THOC6: variants seen among roughly 807,000 people sequenced by gnomAD.
The protein encoded by THOC6 is THO complex subunit 6.
Under a neutral mutation model 55.8 loss-of-function variants are expected in THOC6, and 39 were observed. The observed-to-expected ratio is 0.70, with a 90% CI of 0.54 to 0.91. THOC6 has a LOEUF of 0.91. Ranked by LOEUF, THOC6 falls within the 40% of genes least tolerant of loss-of-function variation. THOC6 has a pLI of 0.00. For synonymous variants in THOC6, 192 were observed against 175.6 expected (o/e 1.09, Z -0.74); for missense variants, 482 against 442.0 (o/e 1.09, Z -0.81).
At position 3,024,039 on chromosome 16, in the gene THOC6, C is replaced by A. The variant is rs938203519; in HGVS notation, c.-288C>A. The A allele has an allele frequency of 1.3e-5, 13 of 1,005,898 alleles. No individual in the cohort carries two copies. Among genetic ancestry groups the A allele is most frequent in the African/African-American group, 6.5e-5 (4 of 61,252 alleles). The allele number at this position is 1,005,898 out of a possible 1,614,324, so 62.3% of individuals were successfully genotyped here. A position where few individuals can be genotyped will look rare whatever the true frequency, so the allele number is the denominator to read the frequency against. On this transcript the variant is annotated 5_prime_UTR_variant, in exon 1 of 13. Transcript: ENST00000326266. ...TGGGCGTGGCTTTAGGCGGGCACAGCCGCGAGGTTCTGCGCGGGCGCGGAA... is the reference window on the plus strand; with the variant it reads ...TGGGCGTGGCTTTAGGCGGGCACAGACGCGAGGTTCTGCGCGGGCGCGGAA...
In THOC6 at chr16:3,026,942, C is replaced by G. The variant is rs745643131; in HGVS notation, c.636+26C>G. 28 of 1,614,028 alleles carry G rather than the reference C, an allele frequency of 1.7e-5. No homozygotes were observed. In the South Asian group the frequency reaches 3.0e-4, roughly 17 times the overall value. On this transcript the variant is annotated intron_variant, in intron 9 of 12. Transcript: ENST00000326266. The stretch of plus-strand genomic sequence containing the variant: ...GTGAGGGTGTGACCGTGGCCATTGT[C>G]CTCTTCTCCCCCAACTCCTTGAATT...
rs141862266 is a variant in THOC6 at position 3,026,484 on chromosome 16, T to C, written c.412-32T>C. ...ACCCTCTGCCTATCCTGATTTGACA[T>C]TGACTTTCTGCCTCATCCTGCTCCT... On this transcript the variant is annotated intron_variant, in intron 6 of 12. Coordinates refer to ENST00000326266, the MANE Select transcript of THOC6 (RefSeq NM_024339.5). 138 of 1,614,120 alleles carry C rather than the reference T, an allele frequency of 8.5e-5. 1 individual carries two copies. The East Asian group carries it at 2.8e-3, about 33-fold the overall frequency.
rs1461712261 is a variant in THOC6 at position 3,025,980 on chromosome 16, C to A, written c.212C>A (p.Thr71Asn). The part of the protein sequence containing the change: ...AKEESKKPVV[T>N]FQAHDGPVYS... ...GAGGAAAGTAAGAAGCCGGTGGTGACTTTCCAAGGTGGGTATACCTGTGGA... is the reference window on the plus strand; with the variant it reads ...GAGGAAAGTAAGAAGCCGGTGGTGAATTTCCAAGGTGGGTATACCTGTGGA... The change falls in exon 3 of 13, where the codon ACT becomes AAT. Residue 71 changes from threonine to asparagine, a missense_variant. By Grantham distance (65) the Thr-to-Asn change is moderately conservative. Coordinates refer to ENST00000326266, the MANE Select transcript of THOC6 (RefSeq NM_024339.5). The A allele has an allele frequency of 1.2e-6, 2 of 1,614,228 alleles. No homozygotes were observed. Among genetic ancestry groups the A allele is most frequent in the South Asian group, 2.2e-5 (2 of 91,084 alleles).
At chr16:3,024,494 A>G in intron 1 of THOC6, 129 bp downstream of exon 1, 1 of 1,170,342 alleles carries the variant, frequency 8.5e-7, no homozygotes, top group Non-Finnish European at 1.3e-6. Flanking sequence ...GACTCTGACC[A>G]GGGGGGCGGG....
rs1433771884 is a variant in THOC6, at chr16:3,024,186, C to T, written c.-141C>T. ...GGGGTCTTCGCGGCGCTCACCTCGG[C>T]TCCTAGGGTTCGGGACGGTACGCAC... On this transcript the variant is annotated 5_prime_UTR_variant, in exon 1 of 13. Coordinates refer to ENST00000326266, the MANE Select transcript of THOC6 (RefSeq NM_024339.5). 1.9e-6 allele frequency: 2 copies of T among 1,039,912 alleles called. No homozygotes were observed. The highest frequency in any genetic ancestry group is 2.9e-6 in the Non-Finnish European group (2 of 697,468). The allele number at this position is 1,039,912 out of a possible 1,614,324, so 64.4% of individuals were successfully genotyped here.
Position 3,024,165 on chromosome 16 carries a change from T to A in THOC6, c.-162T>A. The A allele has an allele frequency of 1.2e-6, 1 of 826,606 alleles. No homozygotes were observed. Among genetic ancestry groups the A allele is most frequent in the Non-Finnish European group, 1.9e-6 (1 of 519,838 alleles). 51.2% of individuals were successfully genotyped at this position (826,606 alleles called of 1,614,324 possible). A position where few individuals can be genotyped will look rare whatever the true frequency, so the allele number is the denominator to read the frequency against. On this transcript the variant is annotated 5_prime_UTR_variant, in exon 1 of 13. Coordinates refer to ENST00000326266, the MANE Select transcript of THOC6 (RefSeq NM_024339.5). ...GGACACCACTTCTTAATGTCGGGGG[T>A]CTTCGCGGCGCTCACCTCGGCTCCT...
chr16:3,025,098 A>C (rs1014931657), intron 1 of THOC6, among the ~76,000 whole-genome samples: 1 of 145,836 alleles, frequency 6.9e-6, no homozygotes, highest in African/African-American at 2.6e-5. Context: ...ATGCGCCACC[A>C]CTCCCAGCTA....
Position 3,027,132 on chromosome 16 carries a change from T to G in THOC6, c.700-38T>G, listed in dbSNP as rs759910721. On this transcript the variant is annotated intron_variant, in intron 10 of 12. Coordinates refer to ENST00000326266, the MANE Select transcript of THOC6 (RefSeq NM_024339.5). ...CTCCGGGCCCTGTCAGCTGTGGGCC[T>G]GTGGTTCACAGCTGGGGACTCCCAC... The G allele has an allele frequency of 1.9e-6, 3 of 1,613,486 alleles. No individual in the cohort carries two copies. In the South Asian group the frequency reaches 3.3e-5, roughly 18 times the overall value.
intron 1 of THOC6, 23 bp from the exon 2 acceptor site, chr16:3,025,685 C>T (rs764933588): frequency 1.2e-6 from 2 of 1,604,478 alleles, no homozygotes; most frequent in Admixed American, 1.7e-5. Context: ...CCCAGGCAGG[C>T]CTCATCCAGT....
intron 1 of THOC6, among the ~76,000 whole-genome samples, chr16:3,024,937 ATTTTTTTTT>A (rs35849212): frequency 2.9e-5 from 3 of 102,360 alleles, no homozygotes; most frequent in African/African-American, 4.4e-5. Flanking sequence ...GCCCGGCCAA[ATTTTTTTTT>A]TTTTTTTTTT....
rs1401841710 is a variant in THOC6 at position 3,026,084 on chromosome 16, G to T, written c.242G>T (p.Ser81Ile). 3 of 1,611,200 alleles carry T rather than the reference G, an allele frequency of 1.9e-6. 1 individual carries two copies. The South Asian group carries it at 3.3e-5, about 18-fold the overall frequency. The change falls in exon 4 of 13, where the codon AGC becomes ATC. Residue 81 changes from serine (S) to isoleucine (I), a missense_variant. Transcript: ENST00000326266. Reference protein sequence around the residue: ...TFQAHDGPVYSMVSTDRHLLS... With the variant: ...TFQAHDGPVYIMVSTDRHLLS... ...TTAGCCCATGATGGGCCCGTCTATA[G>T]CATGGTTTCCACCGATCGACATCTG... is the stretch of plus-strand genomic sequence containing the variant.
chr16:3,026,361 C>A lies in THOC6; in HGVS notation c.363-4C>A. On this transcript the variant is annotated splice_polypyrimidine_tract_variant and splice_region_variant and intron_variant, in intron 5 of 12. Transcript: ENST00000326266. ...CCTCACTGACCTTGCCTTTCCTTCC[C>A]CAGGACCAGCCTGGAAGTGCCTGAG... 1 of 1,614,070 alleles carries A rather than the reference C, an allele frequency of 6.2e-7. No individual in the cohort carries two copies. The highest frequency in any genetic ancestry group is 1.1e-5 in the South Asian group (1 of 91,088).
chr16:3,027,245 G>A lies in THOC6; in HGVS notation c.775G>A (p.Ala259Thr). ...ACCCACCACCATCTTCCCCATCCGG[G>A]CGCCACAGAAGCACGTCACCTTCTA... is the stretch of plus-strand genomic sequence containing the variant. ...STPTTIFPIR[A>T]PQKHVTFYQD... The change falls in exon 11 of 13, where the codon GCG becomes ACG. Residue 259 changes from alanine to threonine, a missense_variant. By Grantham distance (58) the Ala-to-Thr change is moderately conservative (BLOSUM62 0). Transcript: ENST00000326266. The A allele has an allele frequency of 1.9e-6, 3 of 1,614,162 alleles. No individual in the cohort carries two copies. The highest frequency in any genetic ancestry group is 2.5e-6 in the Non-Finnish European group (3 of 1,180,032).
Position 3,027,066 on chromosome 16 carries a change from A to G in THOC6, c.692A>G (p.Asp231Gly), listed in dbSNP as rs1424682533. The change falls in exon 10 of 13, where the codon GAC (aspartate) becomes GGC (glycine). Residue 231 changes from aspartate (D) to glycine (G), a missense_variant. Transcript: ENST00000326266. The stretch of plus-strand genomic sequence containing the variant: ...ATTGGATGTTTGGCAACTGATTCCG[A>G]CTGGATGGTGAGCTGGGCAGACTGT... ...RWIGCLATDS[D>G]WMVCGGGPAL... is the part of the protein sequence containing the mutation. The G allele has an allele frequency of 6.2e-7, 1 of 1,614,042 alleles. No individual in the cohort carries two copies. The highest frequency in any genetic ancestry group is 2.2e-5 in the East Asian group (1 of 44,868).
chr16:3,027,593 G>T lies in THOC6; in HGVS notation c.962G>T (p.Gly321Val). Residue 321 changes from glycine (G) to valine (V), a missense_variant, in exon 13 of 13, where the codon GGC becomes GTC. Physicochemically the swap from Gly to Val is moderately radical, Grantham distance 109. Coordinates refer to ENST00000326266, the MANE Select transcript of THOC6 (RefSeq NM_024339.5). Reference protein sequence around the residue: ...APECKVLTAAGNSCRVDVFTN... With the variant: ...APECKVLTAAVNSCRVDVFTN... ...TTCCTCCAGGTCCTGACAGCTGCAG[G>T]CAACAGCTGCCGGGTGGATGTCTTC... is the stretch of plus-strand genomic sequence containing the variant. The T allele has an allele frequency of 6.2e-7, 1 of 1,614,086 alleles. No individual in the cohort carries two copies. The highest frequency in any genetic ancestry group is 1.1e-5 in the South Asian group (1 of 91,088).
rs1385831900 is a variant in THOC6, at chr16:3,026,372, C to T, written c.370C>T (p.Leu124=). 6.2e-7 allele frequency: 1 copy of T among 1,614,070 alleles called. No homozygotes were observed. Among genetic ancestry groups the T allele is most frequent in the South Asian group, 1.1e-5 (1 of 91,084 alleles). ...WRRQPPYRTS[L]EVPEINALLL... ...TTGCCTTTCCTTCCCCAGGACCAGCCTGGAAGTGCCTGAGATCAACGCTTT... is the reference window on the plus strand; with the variant it reads ...TTGCCTTTCCTTCCCCAGGACCAGCTTGGAAGTGCCTGAGATCAACGCTTT... The change falls in exon 6 of 13, where the codon CTG becomes TTG. Residue 124 remains leucine (L), a synonymous_variant. Transcript: ENST00000326266.
At position 3,024,091 on chromosome 16, in the gene THOC6, G is replaced by T; in HGVS notation, c.-236G>T. ...ACGGGCGGCGCGTGGCGGAAGGCAG[G>T]CTTGCTCCTCGGGGTGGGGGAGGGT... On this transcript the variant is annotated 5_prime_UTR_variant, in exon 1 of 13. Coordinates refer to ENST00000326266, the MANE Select transcript of THOC6 (RefSeq NM_024339.5). The T allele has an allele frequency of 1.3e-6, 1 of 749,718 alleles. No individual in the cohort carries two copies. The allele number at this position is 749,718 out of a possible 1,614,324, so 46.4% of individuals were successfully genotyped here.
In THOC6 at chr16:3,025,950, C is replaced by T. The variant is rs759399188; in HGVS notation, c.182C>T (p.Ala61Val). ...FSLSSALSSE[A>V]KEESKKPVVT... is the part of the protein sequence containing the mutation. ...TTGTCCTCTGCTTTGAGCTCAGAAG[C>T]CAAAGAGGAAAGTAAGAAGCCGGTG... Residue 61 changes from alanine (A) to valine (V), a missense_variant, in exon 3 of 13, where the codon GCC becomes GTC. Transcript: ENST00000326266. 1 of 1,614,072 alleles carries T rather than the reference C, an allele frequency of 6.2e-7. No homozygotes were observed. The highest frequency in any genetic ancestry group is 8.5e-7 in the Non-Finnish European group (1 of 1,180,040).
At chr16:3,025,679 G>T in intron 1 of THOC6, 29 bp from the exon 2 acceptor site, 7 of 1,600,214 alleles carry the variant, frequency 4.4e-6, no homozygotes, top group Non-Finnish European at 5.1e-6. Context: ...ATACGTCCCA[G>T]GCAGGCCTCA....
Sources: gnomAD v4.1 joint callset for allele counts (sites outside exome capture counted in the v4.1 genomes callset) on GRCh38, gnomAD v4.1.1 for gene constraint, MANE v1.5 for transcripts, NCBI Gene and HGNC (gene_info 2026-07-23, HGNC 2026-07-21) for gene names.